The following RBFOX1 variants were observed in gnomAD, a reference collection of about 807,000 sequenced individuals.
The protein encoded by RBFOX1 is RNA binding protein fox-1 homolog 1.
A neutral mutation model predicts 57.7 loss-of-function variants in RBFOX1; 8 were observed. That is an observed-to-expected ratio of 0.14 (90% confidence interval 0.08 to 0.25). The LOEUF (loss-of-function observed/expected upper bound fraction) is 0.25. RBFOX1 is among the 10% of genes least tolerant of loss of function. The probability of loss-of-function intolerance (pLI) is 1.00; values close to 1 mark genes in which losing one functional copy is unlikely to be tolerated. For synonymous variants in RBFOX1, 326 were observed against 222.4 expected, an observed-to-expected ratio of 1.47 and a Z score of -4.15; for missense variants, 611 against 548.5, an observed-to-expected ratio of 1.11 and a Z score of -1.14.
intron 4 of RBFOX1, among the ~76,000 whole-genome samples, chr16:7,251,783 C>G (rs34659279): frequency 1.3e-5 from 2 of 152,100 alleles, no homozygotes; most frequent in Non-Finnish European, 2.9e-5. Context: ...GTGAATAATG[C>G]TGCAGTGAAC....
At chr16:5,948,279 A>G (rs1483227101) in intron 4 of RBFOX1, among the ~76,000 whole-genome samples, 2 of 152,150 alleles carry the variant, frequency 1.3e-5, no homozygotes, top group Non-Finnish European at 2.9e-5. Context: ...CTGATTTGTA[A>G]TTGAGTTCAA....
At chr16:6,687,454 AAAGTT>A (rs1486985955) in intron 3 of RBFOX1, among the ~76,000 whole-genome samples, 2 of 152,236 alleles carry the variant, frequency 1.3e-5, no homozygotes, top group Admixed American at 6.5e-5. Flanking sequence ...AAAAATATGT[AAAGTT>A]AAGTTAAATA....
Position 5,885,578 on chromosome 16 carries a change from G to A in RBFOX1, c.351+18243G>A, listed in dbSNP as rs149566936. On this transcript the variant is annotated intron_variant, in intron 4 of 19. Transcript: ENST00000641259. ...CAAAGTGATGGGTAAGAGTGTTTGG[G>A]ACAGGGCTAATGGTCTCTGAAGACC... is the stretch of plus-strand genomic sequence containing the variant. 7.6e-4 allele frequency among the ~76,000 whole-genome samples: 115 copies of A among 152,244 alleles called. 1 individual carries two copies. Among genetic ancestry groups the A allele is most frequent in the Admixed American group, 2.6e-3 (40 of 15,302 alleles).
intron 2 of RBFOX1, among the ~76,000 whole-genome samples, chr16:6,539,508 A>C (rs2110614): frequency 0.47 from 70,938 of 151,820 alleles, 17,000 homozygotes; most frequent in Non-Finnish European, 0.52. Context: ...TTTAAAACAC[A>C]CACGTACAGT....
At chr16:5,866,426 A>G (rs910314805) in intron 3 of RBFOX1, among the ~76,000 whole-genome samples, 19 of 152,250 alleles carry the variant, frequency 1.2e-4, no homozygotes, top group Admixed American at 3.3e-4. Flanking sequence ...GCTCAGTCCA[A>G]GTAGTCAGAT....
At chr16:5,466,280 A>C (rs1281268762) in intron 1 of RBFOX1, among the ~76,000 whole-genome samples, 1 of 152,154 alleles carries the variant, frequency 6.6e-6, no homozygotes, top group Non-Finnish European at 1.5e-5. Flanking sequence ...GGCCCTTGCC[A>C]TTTTGACTAA....
chr16:5,989,577 C>G (rs1002059824), intron 4 of RBFOX1, among the ~76,000 whole-genome samples: 2 of 151,986 alleles, frequency 1.3e-5, no homozygotes, highest in Non-Finnish European at 2.9e-5. Context: ...GCTCGCCGAC[C>G]TAGAATGGGT....
At chr16:6,984,640 C>T (rs1449809221) in intron 3 of RBFOX1, among the ~76,000 whole-genome samples, 3 of 152,022 alleles carry the variant, frequency 2.0e-5, no homozygotes, top group South Asian at 4.2e-4. Flanking sequence ...GCCTTCTTTA[C>T]TTAATATTTT....
intron 2 of RBFOX1, among the ~76,000 whole-genome samples, chr16:6,329,039 C>T (rs1159690121): frequency 3.3e-5 from 5 of 152,052 alleles, no homozygotes; most frequent in Admixed American, 6.6e-5. Context: ...GTAAACCAAT[C>T]CCCCCGACTC....
chr16:6,398,258 A>G (rs1339223523), intron 2 of RBFOX1, among the ~76,000 whole-genome samples: 1 of 152,166 alleles, frequency 6.6e-6, no homozygotes, highest in Non-Finnish European at 1.5e-5. Flanking sequence ...GATTATGGGA[A>G]CTACAACTCG....
At chr16:7,523,952 C>G (rs946395668) in intron 5 of RBFOX1, among the ~76,000 whole-genome samples, 1 of 152,132 alleles carries the variant, frequency 6.6e-6, no homozygotes, top group Non-Finnish European at 1.5e-5. Flanking sequence ...CGAATTTAAC[C>G]TCAAAGTGGG....
rs981519973 is a variant in RBFOX1 at position 6,548,483 on chromosome 16, C to T, written c.-63-106120C>T. Reference sequence around the variant, plus strand: ...GTACAAGGTTACAAGGATGTTTACACACTGATTTCTTCAGAATTTCTTCAG... The same window carrying T: ...GTACAAGGTTACAAGGATGTTTACATACTGATTTCTTCAGAATTTCTTCAG... On this transcript the variant is annotated intron_variant, in intron 2 of 15. Transcript: ENST00000550418. 5.3e-5 allele frequency among the ~76,000 whole-genome samples: 8 copies of T among 152,280 alleles called. No individual in the cohort carries two copies. In the South Asian group the frequency reaches 1.2e-3, roughly 24 times the overall value.
At chr16:6,913,473 C>T (rs564008264) in intron 3 of RBFOX1, among the ~76,000 whole-genome samples, 6 of 152,256 alleles carry the variant, frequency 3.9e-5, no homozygotes, top group African/African-American at 1.4e-4. Flanking sequence ...TTGCCATCGG[C>T]CTTCTTCACA....
chr16:6,309,447 G>C (rs2079968298), intron 1 of RBFOX1, among the ~76,000 whole-genome samples: 1 of 152,252 alleles, frequency 6.6e-6, no homozygotes, highest in East Asian at 1.9e-4. Flanking sequence ...CTTGCCCCTT[G>C]GGTTTTCATT....
chr16:7,422,544 A>C (rs2149388870), intron 4 of RBFOX1, among the ~76,000 whole-genome samples: 1 of 152,328 alleles, frequency 6.6e-6, no homozygotes, highest in African/African-American at 2.4e-5. Flanking sequence ...GGATCAAATG[A>C]GAAGTCAAAT....
chr16:5,527,721 C>T lies in RBFOX1; in HGVS notation c.258+60467C>T, dbSNP rs79026034. ...AAGGGCTGTGGGAGATTTAAGCCCT[C>T]TAAGTAGCTCCAGATCTCTTCTGAA... On this transcript the variant is annotated intron_variant, in intron 2 of 2. Coordinates refer to the RBFOX1 transcript ENST00000585867. Among the ~76,000 whole-genome samples the T allele has an allele frequency of 9.6e-3, 1,464 of 152,226 alleles. 21 individuals carry two copies. Among genetic ancestry groups the T allele is most frequent in the African/African-American group, 0.033 (1,381 of 41,526 alleles).
intron 10 of RBFOX1, among the ~76,000 whole-genome samples, chr16:7,625,264 C>G (rs1226992817): frequency 6.6e-6 from 1 of 152,126 alleles, no homozygotes. Flanking sequence ...GGAATCGCCA[C>G]ATTGAGTGAA....
chr16:6,159,149 T>C (rs1450669578), intron 1 of RBFOX1, among the ~76,000 whole-genome samples: 1 of 152,208 alleles, frequency 6.6e-6, no homozygotes, highest in Non-Finnish European at 1.5e-5. Flanking sequence ...TGATCTCAGC[T>C]CACTGCAACC....
At chr16:7,263,243 C>G (rs1034769669) in intron 4 of RBFOX1, among the ~76,000 whole-genome samples, 14 of 152,186 alleles carry the variant, frequency 9.2e-5, no homozygotes, top group Admixed American at 9.2e-4. Flanking sequence ...CAGGAAGGTA[C>G]TAGGCACACA....
Sources: gnomAD v4.1 joint callset for allele counts (sites outside exome capture counted in the v4.1 genomes callset) on GRCh38, gnomAD v4.1.1 for gene constraint, MANE v1.5 for transcripts, NCBI Gene and HGNC (gene_info 2026-07-23, HGNC 2026-07-21) for gene names.